Variants in CD44 observed in about 807,000 individuals in gnomAD.
CD44 encodes CD44 molecule (IN blood group), also known as CD44 antigen.
In CD44, 49 loss-of-function variants were observed where a neutral mutation model predicts 88.8. The observed-to-expected ratio is 0.55, with a 90% CI of 0.44 to 0.70. The LOEUF (loss-of-function observed/expected upper bound fraction) is 0.70, where lower values mean the gene tolerates loss of function less well. Ranked by LOEUF, CD44 falls within the 30% of genes least tolerant of loss-of-function variation. CD44 has a pLI of 0.00. For synonymous variants in CD44, 325 were observed against 312.3 expected, an observed-to-expected ratio of 1.04 and a Z score of -0.43; for missense variants, 883 against 913.8, an observed-to-expected ratio of 0.97 and a Z score of 0.43.
At chr11:35,206,403 A>G in intron 11 of CD44, 160 bp downstream of exon 11, 2 of 629,702 alleles carry the variant, frequency 3.2e-6, no homozygotes, top group Non-Finnish European at 5.1e-6. Context: ...AGTGATACTC[A>G]TATTCACCTG....
In CD44 at chr11:35,198,117, A is replaced by G. The variant is rs1228345868; in HGVS notation, c.797-4A>G. ...TCAGCCACTAATGCAAGTCACCACAACAGGTACGTCTTCAAATACCATCTC... is the reference window on the plus strand; with the variant it reads ...TCAGCCACTAATGCAAGTCACCACAGCAGGTACGTCTTCAAATACCATCTC... On this transcript the variant is annotated splice_region_variant and splice_polypyrimidine_tract_variant and intron_variant, in intron 6 of 17. Transcript: ENST00000428726. 1.9e-6 allele frequency: 3 copies of G among 1,613,354 alleles called. No homozygotes were observed. The highest frequency in any genetic ancestry group is 1.7e-6 in the Non-Finnish European group (2 of 1,179,590).
At chr11:35,181,076 A>G (rs1319981680) in intron 3 of CD44, among the ~76,000 whole-genome samples, 1 of 152,202 alleles carries the variant, frequency 6.6e-6, no homozygotes, top group African/African-American at 2.4e-5. Context: ...ATGGGAAGTC[A>G]TTACAGGTTT....
At chr11:35,151,895 T>C (rs1263048444) in intron 1 of CD44, among the ~76,000 whole-genome samples, 1 of 152,214 alleles carries the variant, frequency 6.6e-6, no homozygotes, top group South Asian at 2.1e-4. Flanking sequence ...TGAAGTTAGA[T>C]GCTGGGAGCC....
Position 35,221,833 on chromosome 11 carries a change from C to T in CD44, c.2024+101C>T, listed in dbSNP as rs1591339494. The T allele has an allele frequency of 3.9e-6, 4 of 1,031,876 alleles. No individual in the cohort carries two copies. The East Asian group carries it at 7.2e-5, about 19-fold the overall frequency. 63.9% of individuals were successfully genotyped at this position (1,031,876 alleles called of 1,614,324 possible). ...GAGCGTAGTCCCTGGAACCAGCAGC[C>T]TGGGTACCCTGGGAGTTTGTTGGAA... is the stretch of plus-strand genomic sequence containing the variant. On this transcript the variant is annotated intron_variant, in intron 17 of 17. Transcript: ENST00000428726.
chr11:35,213,185 A>G (rs1178175761), intron 14 of CD44, among the ~76,000 whole-genome samples: 1 of 152,160 alleles, frequency 6.6e-6, no homozygotes, highest in Non-Finnish European at 1.5e-5. Context: ...CTTATAGCCT[A>G]ATGTTAGTAA....
At chr11:35,147,515 G>A (rs1859396360) in intron 1 of CD44, among the ~76,000 whole-genome samples, 1 of 152,124 alleles carries the variant, frequency 6.6e-6, no homozygotes, top group African/African-American at 2.4e-5. Flanking sequence ...GAAGGGAGGA[G>A]GCAAGGCCCC....
intron 12 of CD44, among the ~76,000 whole-genome samples, chr11:35,209,321 A>G (rs115329326): frequency 0.013 from 1,975 of 152,322 alleles, 52 homozygotes; most frequent in African/African-American, 0.045. Context: ...TTGCCCAGGC[A>G]AGCGTTTCCT....
At chr11:35,194,906 G>T (rs910146393) in intron 5 of CD44, among the ~76,000 whole-genome samples, 1 of 152,214 alleles carries the variant, frequency 6.6e-6, no homozygotes, top group African/African-American at 2.4e-5. Flanking sequence ...CTGCCGGAAA[G>T]TGCAGGCTTC....
In CD44 at chr11:35,206,135, C is replaced by A; in HGVS notation, c.1306C>A (p.Pro436Thr). 1 of 1,610,512 alleles carries A rather than the reference C, an allele frequency of 6.2e-7. No homozygotes were observed. The highest frequency in any genetic ancestry group is 8.5e-7 in the Non-Finnish European group (1 of 1,178,356). ...TAAASAHTSH[P>T]MQGRTTPSPE... The stretch of plus-strand genomic sequence containing the variant: ...AGCAGCCTCAGCTCATACCAGCCAT[C>A]CAATGCAAGGAAGGACAACACCAAG... The change falls in exon 11 of 18, where the codon CCA becomes ACA. Residue 436 changes from proline to threonine, a missense_variant. Transcript: ENST00000428726.
At chr11:35,193,601 A>C (rs1288397364) in intron 5 of CD44, among the ~76,000 whole-genome samples, 1 of 152,240 alleles carries the variant, frequency 6.6e-6, no homozygotes, top group Non-Finnish European at 1.5e-5. Context: ...GTGGCTTTTT[A>C]AAATCTCAGC....
chr11:35,141,567 T>C (rs11033008), intron 1 of CD44, among the ~76,000 whole-genome samples: 23,347 of 152,154 alleles, frequency 0.15, 2,285 homozygotes, highest in Non-Finnish European at 0.21. Context: ...GCATTCTGAC[T>C]CCTGACTCCT....
At chr11:35,158,638 G>A (rs1942210965) in intron 1 of CD44, among the ~76,000 whole-genome samples, 1 of 152,164 alleles carries the variant, frequency 6.6e-6, no homozygotes, top group Admixed American at 6.5e-5. Context: ...CTGTGTTCCT[G>A]CTGCACTTGA....
At chr11:35,162,986 T>C (rs1565038092) in intron 1 of CD44, among the ~76,000 whole-genome samples, 1 of 152,148 alleles carries the variant, frequency 6.6e-6, no homozygotes, top group Non-Finnish European at 1.5e-5. Context: ...GTCACCAACA[T>C]GTGACCTGGT....
At chr11:35,165,784 A>C (rs1943192508) in intron 1 of CD44, among the ~76,000 whole-genome samples, 1 of 152,202 alleles carries the variant, frequency 6.6e-6, no homozygotes. Context: ...TATAATTAAC[A>C]GAGTTTAGGC....
At chr11:35,194,486 C>A (rs1946548121) in intron 5 of CD44, among the ~76,000 whole-genome samples, 1 of 152,174 alleles carries the variant, frequency 6.6e-6, no homozygotes, top group Non-Finnish European at 1.5e-5. Context: ...AGATATGGTC[C>A]TGGTTTGGTA....
chr11:35,227,584 C>T (rs944116007), intron 17 of CD44, among the ~76,000 whole-genome samples: 2 of 152,222 alleles, frequency 1.3e-5, no homozygotes, highest in Admixed American at 1.3e-4. Context: ...TCCCCCAACC[C>T]CTCATCAAGC....
chr11:35,178,328 G>T (rs1006874278), intron 2 of CD44, among the ~76,000 whole-genome samples: 8 of 152,226 alleles, frequency 5.3e-5, no homozygotes, highest in African/African-American at 1.9e-4. Context: ...GATGCTGGGA[G>T]CCCTACTGCC....
chr11:35,153,906 A>G (rs1941512530), intron 1 of CD44, among the ~76,000 whole-genome samples: 1 of 152,214 alleles, frequency 6.6e-6, no homozygotes, highest in African/African-American at 2.4e-5. Context: ...CTGTCTCACC[A>G]TTGGGTCTTC....
At chr11:35,139,420 C>T (rs1857444755) in intron 1 of CD44, 50 bp downstream of exon 1, 2 of 1,507,070 alleles carry the variant, frequency 1.3e-6, no homozygotes, top group South Asian at 1.2e-5. Context: ...GGGTGCTCAG[C>T]GCGGACCCGG....
Sources: gnomAD v4.1 joint callset for allele counts (sites outside exome capture counted in the v4.1 genomes callset) on GRCh38, gnomAD v4.1.1 for gene constraint, MANE v1.5 for transcripts, NCBI Gene and HGNC (gene_info 2026-07-23, HGNC 2026-07-21) for gene names.